The following SAMD12 variants were observed in gnomAD, a reference collection of about 807,000 sequenced individuals.
SAMD12 encodes the protein sterile alpha motif domain containing 12.
In SAMD12, 9 loss-of-function variants were observed where a neutral mutation model predicts 15.0. That is an observed-to-expected ratio of 0.60 (90% CI 0.36 to 1.05). SAMD12 has a LOEUF of 1.05. SAMD12 is among the 50% of genes least tolerant of loss of function. The pLI, the probability that SAMD12 is intolerant of heterozygous loss-of-function variation, is 0.01. For missense variants in SAMD12, 230 were observed against 234.2 expected, an observed-to-expected ratio of 0.98 and a Z score of 0.12; for synonymous variants, 86 against 90.1, an observed-to-expected ratio of 0.96 and a Z score of 0.25.
intron 2 of SAMD12, among the ~76,000 whole-genome samples, chr8:118,565,906 G>T (rs896943844): frequency 6.6e-6 from 1 of 152,060 alleles, no homozygotes; most frequent in Non-Finnish European, 1.5e-5. Flanking sequence ...TGTCAAATTT[G>T]TCCACTTCTC....
At chr8:118,219,074 C>T (rs1586355151) in intron 4 of SAMD12, among the ~76,000 whole-genome samples, 1 of 152,344 alleles carries the variant, frequency 6.6e-6, no homozygotes, top group African/African-American at 2.4e-5. Context: ...TGGGTCTCCG[C>T]TGCCCCCAAC....
chr8:118,510,360 A>T (rs983751651), intron 2 of SAMD12, among the ~76,000 whole-genome samples: 1 of 152,156 alleles, frequency 6.6e-6, no homozygotes, highest in Non-Finnish European at 1.5e-5. Context: ...TACAGATCAC[A>T]CTCTGAGAAA....
At chr8:118,257,881 G>A (rs1812988459) in intron 4 of SAMD12, among the ~76,000 whole-genome samples, 1 of 152,018 alleles carries the variant, frequency 6.6e-6, no homozygotes, top group African/African-American at 2.4e-5. Flanking sequence ...TTTTTATTAT[G>A]TACAGAGCCA....
At chr8:118,343,726 A>AC (rs141657696) in intron 4 of SAMD12, among the ~76,000 whole-genome samples, 2,468 of 152,072 alleles carry the variant, frequency 0.016, 56 homozygotes, top group African/African-American at 0.054. Flanking sequence ...TCTACCACAG[A>AC]CCCCTTGGGC....
intron 4 of SAMD12, among the ~76,000 whole-genome samples, chr8:118,235,076 T>C (rs1394626116): frequency 6.6e-6 from 1 of 152,162 alleles, no homozygotes; most frequent in Non-Finnish European, 1.5e-5. Flanking sequence ...GTCAATTCTA[T>C]TGTCATTTTT....
chr8:118,366,823 A>AAATATAATAAAATAT (rs1818798465), intron 4 of SAMD12, among the ~76,000 whole-genome samples: 1 of 78,962 alleles, frequency 1.3e-5, no homozygotes, highest in Non-Finnish European at 2.4e-5. Flanking sequence ...AAATAAAATA[A>AAATATAATAAAATAT]AATAAAATAA....
chr8:118,508,965 T>A, intron 2 of SAMD12, among the ~76,000 whole-genome samples: 1 of 152,228 alleles, frequency 6.6e-6, no homozygotes, highest in East Asian at 1.9e-4. Flanking sequence ...ATTTGCTCTA[T>A]AATAACATTT....
intron 4 of SAMD12, among the ~76,000 whole-genome samples, chr8:118,212,982 C>G (rs886427008): frequency 1.3e-5 from 2 of 152,104 alleles, no homozygotes; most frequent in Non-Finnish European, 2.9e-5. Context: ...AACCTCAAAT[C>G]CCTGCCTTTT....
In SAMD12 at chr8:118,226,342, C is replaced by T. The variant is rs138855846; in HGVS notation, c.434-28610G>A. 2.7e-3 allele frequency among the ~76,000 whole-genome samples: 410 copies of T among 152,236 alleles called. 3 individuals are homozygous for T. Among genetic ancestry groups the T allele is most frequent in the Non-Finnish European group, 3.1e-3 (214 of 68,010 alleles). ...TCTGTGGCGTACTGAAGCCTCATACCGAACCCAGATTTCAGCAATGAAATT... is the reference window on the plus strand; with the variant it reads ...TCTGTGGCGTACTGAAGCCTCATACTGAACCCAGATTTCAGCAATGAAATT... On this transcript the variant is annotated intron_variant, in intron 4 of 4. Transcript: ENST00000409003.
chr8:118,405,971 T>C (rs1821110556), intron 3 of SAMD12, among the ~76,000 whole-genome samples: 2 of 152,146 alleles, frequency 1.3e-5, no homozygotes, highest in Non-Finnish European at 2.9e-5. Context: ...GTTTTCTCTC[T>C]ATGGCCAGTC....
intron 2 of SAMD12, among the ~76,000 whole-genome samples, chr8:118,453,271 A>G (rs914934216): frequency 6.6e-6 from 1 of 152,156 alleles, no homozygotes; most frequent in African/African-American, 2.4e-5. Context: ...AAAAAAATCA[A>G]TAAGTAGCAT....
intron 4 of SAMD12, among the ~76,000 whole-genome samples, chr8:118,330,790 G>A (rs983342450): frequency 2.6e-5 from 4 of 152,090 alleles, no homozygotes; most frequent in African/African-American, 9.7e-5. Flanking sequence ...AAAGTGGGAC[G>A]GACAGTGGTT....
At chr8:118,526,364 C>T (rs549891960) in intron 2 of SAMD12, among the ~76,000 whole-genome samples, 25 of 152,094 alleles carry the variant, frequency 1.6e-4, no homozygotes, top group Admixed American at 1.2e-3. Flanking sequence ...CCAGGAATAG[C>T]CCCCCAACCT....
chr8:118,315,179 T>C (rs1815830578), intron 4 of SAMD12, among the ~76,000 whole-genome samples: 1 of 152,202 alleles, frequency 6.6e-6, no homozygotes, highest in African/African-American at 2.4e-5. Context: ...ACCACTGCCA[T>C]TTGCTTTTGG....
chr8:118,487,945 ATC>A (rs1190775523), intron 2 of SAMD12, among the ~76,000 whole-genome samples: 1 of 152,200 alleles, frequency 6.6e-6, no homozygotes, highest in African/African-American at 2.4e-5. Context: ...AATTAATATA[ATC>A]CATTGTTACC....
At chr8:118,241,547 G>A (rs1180693679) in intron 4 of SAMD12, among the ~76,000 whole-genome samples, 1 of 152,110 alleles carries the variant, frequency 6.6e-6, no homozygotes, top group Non-Finnish European at 1.5e-5. Flanking sequence ...AGTTTAAGAT[G>A]ATTATACCTT....
chr8:118,551,999 G>C (rs1422167075), intron 2 of SAMD12, among the ~76,000 whole-genome samples: 4 of 151,052 alleles, frequency 2.6e-5, no homozygotes, highest in African/African-American at 9.7e-5. Flanking sequence ...TCTCTGAATA[G>C]ACCAATAACA....
At chr8:118,546,053 G>A (rs547759100) in intron 2 of SAMD12, among the ~76,000 whole-genome samples, 2 of 152,154 alleles carry the variant, frequency 1.3e-5, no homozygotes, top group Non-Finnish European at 2.9e-5. Flanking sequence ...ATTTAGAATA[G>A]TTCGTGGCAC....
intron 1 of SAMD12, among the ~76,000 whole-genome samples, chr8:118,583,955 C>T (rs1827358814): frequency 1.3e-5 from 2 of 152,202 alleles, no homozygotes. Flanking sequence ...GGACCTGGCA[C>T]ATAAGAGACA....
Sources: allele counts gnomAD v4.1 joint callset (sites outside exome capture counted in the v4.1 genomes callset), GRCh38; gene constraint gnomAD v4.1.1; transcripts MANE v1.5; gene names NCBI Gene and HGNC (gene_info 2026-07-23, HGNC 2026-07-21).